Variants in YEATS4 observed in about 807,000 individuals in gnomAD.
The protein encoded by YEATS4 is YEATS domain-containing protein 4.
Under a neutral mutation model 30.1 loss-of-function variants are expected in YEATS4, and 17 were observed. That is an observed-to-expected ratio of 0.56 (90% CI 0.39 to 0.85). The LOEUF is 0.85. YEATS4 is among the 40% of genes least tolerant of loss of function. The pLI, the probability that YEATS4 is intolerant of heterozygous loss-of-function variation, is 0.00. For missense variants in YEATS4, 142 were observed against 268.3 expected (o/e 0.53, Z 3.29); for synonymous variants, 85 against 87.5 (o/e 0.97, Z 0.16).
chr12:69,403,925 C>A, the YEATS4 span, among the ~76,000 whole-genome samples: 1 of 152,084 alleles, frequency 6.6e-6, no homozygotes, highest in African/African-American at 2.4e-5. Flanking sequence ...TCTCTTTCAC[C>A]ATGATTTTTT....
At chr12:69,396,248 T>C in the YEATS4 span, among the ~76,000 whole-genome samples, 1 of 152,264 alleles carries the variant, frequency 6.6e-6, no homozygotes, top group Non-Finnish European at 1.5e-5. Context: ...GCTTATTCAC[T>C]AAATGAATAG....
chr12:69,406,390 C>A, the YEATS4 span, among the ~76,000 whole-genome samples: 1 of 152,092 alleles, frequency 6.6e-6, no homozygotes, highest in Non-Finnish European at 1.5e-5. Context: ...TACAGTGGCA[C>A]AAAAGTGTTT....
At chr12:69,413,380 A>T in the YEATS4 span, among the ~76,000 whole-genome samples, 1 of 150,222 alleles carries the variant, frequency 6.7e-6, no homozygotes, top group African/African-American at 2.4e-5. Flanking sequence ...AAAAACTACT[A>T]ATTGCAGATT....
chr12:69,426,501 G>C, the YEATS4 span, among the ~76,000 whole-genome samples: 1 of 152,168 alleles, frequency 6.6e-6, no homozygotes, highest in African/African-American at 2.4e-5. Context: ...CTCCCGAGTA[G>C]CTGGGATTAC....
At chr12:69,391,735 C>T (rs1868317293), downstream of YEATS4, among the ~76,000 whole-genome samples, 1 of 152,086 alleles carries the variant, frequency 6.6e-6, no homozygotes, top group African/African-American at 2.4e-5. Context: ...ACCTGCCAGG[C>T]TTATCATGAT....
intron 6 of YEATS4, among the ~76,000 whole-genome samples, chr12:69,377,866 A>G (rs928830736): frequency 1.1e-4 from 17 of 152,178 alleles, no homozygotes; most frequent in Non-Finnish European, 2.5e-4. Context: ...CATTTGGCCT[A>G]TTTTGCAGAT....
At chr12:69,394,375 CAAAT>C (rs749847639), downstream of YEATS4, among the ~76,000 whole-genome samples, 17 of 152,110 alleles carry the variant, frequency 1.1e-4, no homozygotes, top group Non-Finnish European at 2.1e-4. Flanking sequence ...TTAAGGAAAA[CAAAT>C]GAACCACTGG....
chr12:69,369,524 T>G (rs1226745554), intron 4 of YEATS4, among the ~76,000 whole-genome samples: 2 of 152,218 alleles, frequency 1.3e-5, no homozygotes, highest in East Asian at 3.9e-4. Flanking sequence ...TTCTTGACTT[T>G]GATACTTGCC....
At chr12:69,409,374 T>C in the YEATS4 span, among the ~76,000 whole-genome samples, 2 of 152,140 alleles carry the variant, frequency 1.3e-5, no homozygotes, top group Non-Finnish European at 2.9e-5. Context: ...CCCAGCACTT[T>C]GGGAGACTGA....
At chr12:69,420,052 A>G in the YEATS4 span, among the ~76,000 whole-genome samples, 4 of 152,334 alleles carry the variant, frequency 2.6e-5, no homozygotes, top group Middle Eastern at 3.4e-3. Context: ...TTAAGCACCA[A>G]CAGTGGTGTG....
intron 6 of YEATS4, among the ~76,000 whole-genome samples, chr12:69,386,052 C>T (rs896045365): frequency 2.0e-5 from 3 of 152,126 alleles, no homozygotes; most frequent in African/African-American, 4.8e-5. Flanking sequence ...TTTGTTTTCT[C>T]GAAATTGAGC....
At chr12:69,369,680 C>A (rs1158611378) in intron 4 of YEATS4, among the ~76,000 whole-genome samples, 1 of 152,156 alleles carries the variant, frequency 6.6e-6, no homozygotes, top group Non-Finnish European at 1.5e-5. Context: ...TCTGTCTGTT[C>A]CAGAAATTTG....
At chr12:69,413,353 GAA>G in the YEATS4 span, among the ~76,000 whole-genome samples, 2,219 of 110,570 alleles carry the variant, frequency 0.02, 63 homozygotes, top group African/African-American at 0.08. Context: ...GTCTCTAAAT[GAA>G]AAAAAAAAAA....
the YEATS4 span, among the ~76,000 whole-genome samples, chr12:69,407,043 G>A: frequency 5.9e-5 from 9 of 151,918 alleles, no homozygotes; most frequent in Admixed American, 6.6e-5. Flanking sequence ...TTGAACTTCT[G>A]GCCTCAGGTA....
At position 69,379,407 on chromosome 12, in the gene YEATS4, A is replaced by G. The variant is rs1328527606; in HGVS notation, c.514+8432A>G. ...TTAAGGTCAATAACTCTTAGATTCT[A>G]CCCCTACCCTGCCTTTTTATTTTGA... On this transcript the variant is annotated intron_variant, in intron 6 of 6. Transcript: ENST00000247843. Among the ~76,000 whole-genome samples, 6 of 151,282 alleles carry G rather than the reference A, an allele frequency of 4.0e-5. No homozygotes were observed. The East Asian group carries it at 1.2e-3, about 29-fold the overall frequency.
the YEATS4 span, among the ~76,000 whole-genome samples, chr12:69,403,291 T>A: frequency 6.6e-6 from 1 of 152,024 alleles, no homozygotes; most frequent in Non-Finnish European, 1.5e-5. Context: ...TAAAAGGGAT[T>A]TGCATCCAGG....
chr12:69,411,785 G>T, the YEATS4 span, among the ~76,000 whole-genome samples: 1 of 152,360 alleles, frequency 6.6e-6, no homozygotes, highest in African/African-American at 2.4e-5. Context: ...AACTGCCAGG[G>T]CAAACTCTCT....
chr12:69,363,599 G>C (rs1020149451), intron 2 of YEATS4, among the ~76,000 whole-genome samples: 1 of 152,194 alleles, frequency 6.6e-6, no homozygotes, highest in African/African-American at 2.4e-5. Flanking sequence ...CAGCTCTGCT[G>C]TGTCATCTGA....
intron 6 of YEATS4, among the ~76,000 whole-genome samples, chr12:69,387,019 T>G (rs1404400047): frequency 6.6e-6 from 1 of 152,034 alleles, no homozygotes; most frequent in Non-Finnish European, 1.5e-5. Flanking sequence ...CAAAAAAATC[T>G]TATTCTACTT....
Sources: allele counts gnomAD v4.1 joint callset (sites outside exome capture counted in the v4.1 genomes callset), GRCh38; gene constraint gnomAD v4.1.1; transcripts MANE v1.5; gene names NCBI Gene and HGNC (gene_info 2026-07-23, HGNC 2026-07-21).